SRPK1: variants seen among roughly 807,000 people sequenced by gnomAD.
SRPK1 encodes the protein SFRS protein kinase 1.
In SRPK1, 52 loss-of-function variants were observed where a neutral mutation model predicts 89.5. The ratio of observed to expected loss-of-function variants is 0.58; its 90% CI spans 0.46 to 0.73. The LOEUF (loss-of-function observed/expected upper bound fraction) is 0.73, where lower values mean the gene tolerates loss of function less well. SRPK1 is among the 30% of genes least tolerant of loss of function. The pLI is 0.00. For synonymous variants in SRPK1, 255 were observed against 270.2 expected (o/e 0.94, Z 0.55); for missense variants, 603 against 780.6 (o/e 0.77, Z 2.71).
chr6:35,907,321 T>G (rs998967796), intron 2 of SRPK1, among the ~76,000 whole-genome samples: 3 of 152,196 alleles, frequency 2.0e-5, no homozygotes, highest in Non-Finnish European at 4.4e-5. Flanking sequence ...TAAAAAAATT[T>G]AGGGCAATTA....
chr6:35,871,516 A>C (rs1770035119), intron 8 of SRPK1, among the ~76,000 whole-genome samples: 1 of 152,256 alleles, frequency 6.6e-6, no homozygotes, highest in African/African-American at 2.4e-5. Context: ...CACTATTCAC[A>C]CTGTTGTATA....
intron 12 of SRPK1, among the ~76,000 whole-genome samples, chr6:35,859,525 G>A (rs1769732509): frequency 6.6e-6 from 1 of 152,104 alleles, no homozygotes; most frequent in Admixed American, 6.5e-5. Context: ...TATACAAAAA[G>A]CCAGCCCTTC....
intron 2 of SRPK1, among the ~76,000 whole-genome samples, chr6:35,917,129 T>C (rs1446906311): frequency 6.6e-6 from 1 of 151,992 alleles, no homozygotes. Flanking sequence ...GACAAACAAA[T>C]AAAGGCTCAC....
intron 2 of SRPK1, among the ~76,000 whole-genome samples, chr6:35,901,674 G>A (rs989768345): frequency 2.0e-5 from 3 of 152,104 alleles, no homozygotes; most frequent in Non-Finnish European, 4.4e-5. Context: ...CACTTATTTA[G>A]ATGTGATGCA....
intron 15 of SRPK1, 42 bp from the exon 16 acceptor site, chr6:35,835,530 G>C: frequency 6.5e-7 from 1 of 1,541,556 alleles, no homozygotes; most frequent in Admixed American, 2.0e-5. Context: ...GATCAACACA[G>C]ACAAATGACA....
At chr6:35,879,175 CA>C (rs1342435449) in intron 6 of SRPK1, among the ~76,000 whole-genome samples, 2 of 152,166 alleles carry the variant, frequency 1.3e-5, no homozygotes, top group Non-Finnish European at 2.9e-5. Context: ...GGAAAAGATG[CA>C]GACTGAGCAA....
intron 1 of SRPK1, 193 bp from the exon 2 acceptor site, chr6:35,920,721 C>A (rs1030777326): frequency 1.4e-4 from 11 of 80,368 alleles, no homozygotes; most frequent in African/African-American, 3.1e-4. Flanking sequence ...CGGGATGCGC[C>A]GGAGGGGTCT....
chr6:35,904,627 C>T (rs561828785), intron 2 of SRPK1, among the ~76,000 whole-genome samples: 5 of 151,714 alleles, frequency 3.3e-5, no homozygotes, highest in African/African-American at 7.3e-5. Flanking sequence ...GGTGAAACCC[C>T]GTCTCTACTA....
chr6:35,839,668 AG>A (rs1769261152), intron 14 of SRPK1, among the ~76,000 whole-genome samples: 3 of 151,238 alleles, frequency 2.0e-5, no homozygotes, highest in Admixed American at 6.6e-5. Flanking sequence ...AGGTGACAGA[AG>A]TTAAGAATAT....
intron 2 of SRPK1, among the ~76,000 whole-genome samples, chr6:35,913,555 T>C (rs1219059325): frequency 6.6e-6 from 1 of 151,924 alleles, no homozygotes; most frequent in African/African-American, 2.4e-5. Flanking sequence ...TTCCAACACT[T>C]TGGGAGGCCA....
intron 2 of SRPK1, among the ~76,000 whole-genome samples, chr6:35,899,151 C>T (rs888173704): frequency 6.6e-6 from 1 of 152,194 alleles, no homozygotes; most frequent in Non-Finnish European, 1.5e-5. Context: ...CAGAGCGAGA[C>T]TCCATCTCAC....
chr6:35,887,235 G>A (rs112182473), intron 5 of SRPK1, among the ~76,000 whole-genome samples: 33 of 152,034 alleles, frequency 2.2e-4, no homozygotes, highest in African/African-American at 7.5e-4. Context: ...GTAGGTACAA[G>A]GCTCCTTATC....
chr6:35,878,194 T>C (rs1020011687), intron 6 of SRPK1, among the ~76,000 whole-genome samples: 1 of 152,194 alleles, frequency 6.6e-6, no homozygotes, highest in Non-Finnish European at 1.5e-5. Context: ...GCTTAGATTC[T>C]GGATGTCATT....
intron 13 of SRPK1, among the ~76,000 whole-genome samples, chr6:35,853,730 C>A (rs1352171354): frequency 6.6e-6 from 1 of 152,134 alleles, no homozygotes; most frequent in East Asian, 1.9e-4. Flanking sequence ...AGAAAGCAAT[C>A]ACTTCAGAAG....
At chr6:35,841,358 C>T (rs1161762915) in intron 14 of SRPK1, among the ~76,000 whole-genome samples, 1 of 152,158 alleles carries the variant, frequency 6.6e-6, no homozygotes, top group Non-Finnish European at 1.5e-5. Flanking sequence ...CAGAAGACCA[C>T]ATTTTGAGAA....
At chr6:35,915,122 G>T (rs1010683770) in intron 2 of SRPK1, among the ~76,000 whole-genome samples, 3 of 152,172 alleles carry the variant, frequency 2.0e-5, no homozygotes, top group Non-Finnish European at 4.4e-5. Flanking sequence ...GCTGGAGGAA[G>T]GCCGGGTATG....
chr6:35,872,659 T>A lies in SRPK1; in HGVS notation c.655A>T (p.Ile219Phe). ...IIHTDIKPEN[I>F]LLSVNEQYIR... is the part of the protein sequence containing the mutation. ...TACTGCTCATTCACTGACAATAAGA[T>A]GTTCTCTGGTTTAATGTCAGTGTGG... Residue 219 changes from isoleucine (I) to phenylalanine (F), a missense_variant, in exon 8 of 16, where the codon ATC becomes TTC. Coordinates refer to ENST00000373825, the MANE Select transcript of SRPK1 (RefSeq NM_003137.5). 1 of 1,612,476 alleles carries A rather than the reference T, an allele frequency of 6.2e-7. No homozygotes were observed. Among genetic ancestry groups the A allele is most frequent in the Non-Finnish European group, 8.5e-7 (1 of 1,179,264 alleles).
At chr6:35,901,995 C>T (rs911683168) in intron 2 of SRPK1, among the ~76,000 whole-genome samples, 26 of 151,940 alleles carry the variant, frequency 1.7e-4, no homozygotes, top group East Asian at 7.7e-4. Flanking sequence ...AACCTTGATC[C>T]TCAGGTGACT....
In SRPK1 at chr6:35,914,066, C is replaced by T. The variant is rs181446965; in HGVS notation, c.74+6402G>A. Among the ~76,000 whole-genome samples the T allele has an allele frequency of 3.8e-3, 571 of 150,606 alleles. 2 individuals are homozygous for T. Among genetic ancestry groups the T allele is most frequent in the African/African-American group, 0.013 (536 of 41,004 alleles). ...TCTCGGCTCACTGCAACCTCCACCT[C>T]CCAGGTTCAAGCAATTCTCCTGCCT... On this transcript the variant is annotated intron_variant, in intron 2 of 15. Transcript: ENST00000373825.
Sources: allele counts gnomAD v4.1 joint callset (sites outside exome capture counted in the v4.1 genomes callset), GRCh38; gene constraint gnomAD v4.1.1; transcripts MANE v1.5; gene names NCBI Gene and HGNC (gene_info 2026-07-23, HGNC 2026-07-21).